Variants in FMNL2 observed in about 807,000 individuals in gnomAD.
The protein encoded by FMNL2 is formin-like protein 2.
Under a neutral mutation model 130.2 loss-of-function variants are expected in FMNL2, and 51 were observed. The ratio of observed to expected loss-of-function variants is 0.39; its 90% CI spans 0.31 to 0.49. The LOEUF is 0.49. Among genes scored for constraint, FMNL2 ranks in the 20% least tolerant of loss-of-function variants. The probability of loss-of-function intolerance (pLI) is 0.85; values close to 1 mark genes in which losing one functional copy is unlikely to be tolerated. For missense variants in FMNL2, 977 were observed against 1,316.2 expected, an observed-to-expected ratio of 0.74 and a Z score of 3.99; for synonymous variants, 465 against 467.1, an observed-to-expected ratio of 1.00 and a Z score of 0.06.
intron 1 of FMNL2, among the ~76,000 whole-genome samples, chr2:152,405,281 A>G (rs558715069): frequency 6.6e-6 from 1 of 152,322 alleles, no homozygotes; most frequent in Non-Finnish European, 1.5e-5. Flanking sequence ...CTGACATTCA[A>G]CGCATCTTCC....
chr2:152,607,009 T>G (rs1040166048), intron 9 of FMNL2, among the ~76,000 whole-genome samples: 6 of 129,272 alleles, frequency 4.6e-5, no homozygotes, highest in African/African-American at 1.1e-4. Context: ...TTTTTTTGTT[T>G]TTTTTTTTTT....
intron 1 of FMNL2, among the ~76,000 whole-genome samples, chr2:152,436,469 A>G (rs1254722764): frequency 6.6e-6 from 1 of 152,168 alleles, no homozygotes; most frequent in African/African-American, 2.4e-5. Flanking sequence ...AAAGTTGGGA[A>G]CTACATGGTA....
At chr2:152,341,417 G>A (rs1027069321) in intron 1 of FMNL2, among the ~76,000 whole-genome samples, 5 of 152,220 alleles carry the variant, frequency 3.3e-5, no homozygotes, top group Admixed American at 6.5e-5. Flanking sequence ...TGGCAACAGT[G>A]TAAAGTGATG....
At chr2:152,355,358 A>G (rs1169133198) in intron 1 of FMNL2, among the ~76,000 whole-genome samples, 1 of 152,228 alleles carries the variant, frequency 6.6e-6, no homozygotes, top group Non-Finnish European at 1.5e-5. Context: ...ATTCCATTGA[A>G]AATAAGACCT....
chr2:152,565,389 T>G (rs983283013), intron 6 of FMNL2, among the ~76,000 whole-genome samples: 2 of 152,086 alleles, frequency 1.3e-5, no homozygotes, highest in Non-Finnish European at 2.9e-5. Flanking sequence ...CAGCCCTATA[T>G]AAAGATCAGG....
intron 1 of FMNL2, among the ~76,000 whole-genome samples, chr2:152,385,461 G>A (rs1684727466): frequency 6.6e-6 from 1 of 152,180 alleles, no homozygotes; most frequent in African/African-American, 2.4e-5. Flanking sequence ...CCATTTAGGA[G>A]GACCTTGCTG....
chr2:152,500,009 T>C (rs1691724503), intron 1 of FMNL2, among the ~76,000 whole-genome samples: 1 of 152,140 alleles, frequency 6.6e-6, no homozygotes, highest in Non-Finnish European at 1.5e-5. Flanking sequence ...TCTTTTGCAG[T>C]CTGGAGATAG....
In FMNL2 at chr2:152,390,735, A is replaced by T. The variant is rs111450074; in HGVS notation, c.117+55015A>T. On this transcript the variant is annotated intron_variant, in intron 1 of 25. Transcript: ENST00000288670. ...CCTTGTGAGCCTCAGGGCTTGGGGT[A>T]GGCATGGGACTGGCCTAGACACACG... 4,815 of 680,960 alleles carry T rather than the reference A, an allele frequency of 7.1e-3. 162 individuals are homozygous for T. In the African/African-American group the frequency reaches 0.076, roughly 11 times the overall value. The allele number at this position is 680,960 out of a possible 1,614,324, so 42.2% of individuals were successfully genotyped here. A position where few individuals can be genotyped will look rare whatever the true frequency, so the allele number is the denominator to read the frequency against.
chr2:152,461,382 TG>T (rs1689238529), intron 1 of FMNL2, among the ~76,000 whole-genome samples: 1 of 152,162 alleles, frequency 6.6e-6, no homozygotes, highest in South Asian at 2.1e-4. Context: ...ATGAAGTCTT[TG>T]AGATCTGGTG....
intron 1 of FMNL2, among the ~76,000 whole-genome samples, chr2:152,413,306 T>C (rs1203270365): frequency 1.3e-5 from 2 of 152,192 alleles, no homozygotes; most frequent in Non-Finnish European, 2.9e-5. Flanking sequence ...AGAATTGTGC[T>C]ATTTTTCATT....
At chr2:152,619,416 G>T in intron 14 of FMNL2, 93 bp from the exon 15 acceptor site, 1 of 1,525,788 alleles carries the variant, frequency 6.6e-7, no homozygotes. Context: ...TTTTAAGTGT[G>T]TTGTTTTCAG....
intron 1 of FMNL2, among the ~76,000 whole-genome samples, chr2:152,475,546 G>C (rs1228080809): frequency 1.3e-5 from 2 of 152,174 alleles, no homozygotes; most frequent in African/African-American, 4.8e-5. Flanking sequence ...CCAGGCTGGA[G>C]TACGGTAGTG....
At chr2:152,462,563 A>G (rs943637093) in intron 1 of FMNL2, among the ~76,000 whole-genome samples, 7 of 152,188 alleles carry the variant, frequency 4.6e-5, no homozygotes, top group African/African-American at 1.7e-4. Flanking sequence ...CCACAAATCT[A>G]TTTCCTTGCT....
intron 21 of FMNL2, among the ~76,000 whole-genome samples, chr2:152,633,420 A>G (rs1256550263): frequency 1.3e-5 from 2 of 152,156 alleles, no homozygotes; most frequent in African/African-American, 2.4e-5. Context: ...TTAAGGGTAT[A>G]TCAGGTTTTA....
At chr2:152,423,437 A>G (rs371486509) in intron 1 of FMNL2, among the ~76,000 whole-genome samples, 3 of 152,312 alleles carry the variant, frequency 2.0e-5, no homozygotes, top group East Asian at 3.9e-4. Flanking sequence ...TAAGCACTCT[A>G]AAGCACCTGA....
At chr2:152,439,447 G>C (rs1687945492) in intron 1 of FMNL2, among the ~76,000 whole-genome samples, 1 of 152,072 alleles carries the variant, frequency 6.6e-6, no homozygotes, top group Non-Finnish European at 1.5e-5. Flanking sequence ...TTACTTTTAA[G>C]TAATGGATAT....
chr2:152,567,501 C>A (rs1009556053), intron 6 of FMNL2, among the ~76,000 whole-genome samples: 1 of 152,198 alleles, frequency 6.6e-6, no homozygotes, highest in Non-Finnish European at 1.5e-5. Flanking sequence ...TCAGCTGTTT[C>A]AGCTCTATTT....
chr2:152,477,160 C>G (rs539385739), intron 1 of FMNL2, among the ~76,000 whole-genome samples: 1 of 152,242 alleles, frequency 6.6e-6, no homozygotes, highest in African/African-American at 2.4e-5. Flanking sequence ...AGAGATCTAG[C>G]ACAATTAAGC....
In FMNL2 at chr2:152,606,121, G is replaced by A. The variant is rs555208210; in HGVS notation, c.877-1218G>A. Among the ~76,000 whole-genome samples the A allele has an allele frequency of 7.9e-5, 12 of 152,226 alleles. No individual in the cohort carries two copies. In the South Asian group the frequency reaches 2.1e-3, roughly 26 times the overall value. On this transcript the variant is annotated intron_variant, in intron 9 of 25. Coordinates refer to ENST00000288670, the MANE Select transcript of FMNL2 (RefSeq NM_052905.4). ...TATATATTCACTTGGAGTTTCACAC[G>A]ACTGAATTAAATGGCTGCATTATGA...
Sources: allele counts gnomAD v4.1 joint callset (sites outside exome capture counted in the v4.1 genomes callset), GRCh38; gene constraint gnomAD v4.1.1; transcripts MANE v1.5; gene names NCBI Gene and HGNC (gene_info 2026-07-23, HGNC 2026-07-21).